The following FAF1 variants were observed in gnomAD, a reference collection of about 807,000 sequenced individuals.
FAF1 encodes Fas associated factor 1, also known as FAS-associated factor 1.
In FAF1, 25 loss-of-function variants were observed where a neutral mutation model predicts 92.5. That is an observed-to-expected ratio of 0.27 (90% CI 0.20 to 0.38). The LOEUF (loss-of-function observed/expected upper bound fraction) is 0.38. Among genes scored for constraint, FAF1 ranks in the 10% least tolerant of loss-of-function variants. The pLI is 1.00. For synonymous variants in FAF1, 234 were observed against 273.2 expected, an observed-to-expected ratio of 0.86 and a Z score of 1.42; for missense variants, 636 against 793.3, an observed-to-expected ratio of 0.80 and a Z score of 2.38.
chr1:50,757,078 T>C (rs1660105458), intron 4 of FAF1, among the ~76,000 whole-genome samples: 1 of 152,278 alleles, frequency 6.6e-6, no homozygotes, highest in Non-Finnish European at 1.5e-5. Flanking sequence ...TTCCAAATTC[T>C]TGTGATTTCT....
chr1:50,519,314 G>C (rs905980329), intron 15 of FAF1, among the ~76,000 whole-genome samples: 1 of 148,192 alleles, frequency 6.7e-6, no homozygotes, highest in African/African-American at 2.5e-5. Flanking sequence ...GGGTGACAGA[G>C]CGAGACTGTC....
chr1:50,499,717 T>C (rs953834600), intron 15 of FAF1, among the ~76,000 whole-genome samples: 1 of 152,288 alleles, frequency 6.6e-6, no homozygotes, highest in Middle Eastern at 3.4e-3. Flanking sequence ...AAGCAACCCC[T>C]TCCCCTTCCC....
rs189460802 is a variant in FAF1, at chr1:50,467,295, C to T, written c.1869+8169G>A. 3.9e-5 allele frequency among the ~76,000 whole-genome samples: 6 copies of T among 152,220 alleles called. No individual in the cohort carries two copies. In the East Asian group the frequency reaches 1.2e-3, roughly 29 times the overall value. ...ATGAAATCTTTCCAAATATGTAACA[C>T]TGAGCTTCATTTACACATTGAAAGT... On this transcript the variant is annotated intron_variant, in intron 18 of 18. Coordinates refer to ENST00000396153, the MANE Select transcript of FAF1 (RefSeq NM_007051.3).
At chr1:50,454,060 T>C (rs1646324949) in intron 18 of FAF1, among the ~76,000 whole-genome samples, 1 of 152,242 alleles carries the variant, frequency 6.6e-6, no homozygotes, top group Admixed American at 6.5e-5. Flanking sequence ...GCTATGAGCA[T>C]CATCACAGCT....
At chr1:50,626,612 A>C (rs1191746340) in intron 8 of FAF1, among the ~76,000 whole-genome samples, 1 of 152,214 alleles carries the variant, frequency 6.6e-6, no homozygotes, top group Non-Finnish European at 1.5e-5. Flanking sequence ...GAAGTAAGCA[A>C]GAATCAGACT....
intron 8 of FAF1, among the ~76,000 whole-genome samples, chr1:50,605,587 C>T (rs896954828): frequency 6.6e-6 from 1 of 151,608 alleles, no homozygotes; most frequent in African/African-American, 2.4e-5. Flanking sequence ...TTCACAGAGG[C>T]CAATAATCCA....
intron 18 of FAF1, among the ~76,000 whole-genome samples, chr1:50,455,216 A>T (rs1449366461): frequency 6.6e-6 from 1 of 152,226 alleles, no homozygotes; most frequent in East Asian, 1.9e-4. Context: ...GAGGGGACAG[A>T]ATTTTCCCTA....
chr1:50,890,516 T>G (rs1042904575), intron 1 of FAF1, among the ~76,000 whole-genome samples: 8 of 152,252 alleles, frequency 5.3e-5, no homozygotes, highest in African/African-American at 1.7e-4. Context: ...TTCTTTTCCA[T>G]GTTTAATGCT....
intron 7 of FAF1, among the ~76,000 whole-genome samples, chr1:50,660,885 G>C (rs1655342271): frequency 6.6e-6 from 1 of 152,032 alleles, no homozygotes; most frequent in African/African-American, 2.4e-5. Flanking sequence ...CCTTAGAAGA[G>C]AATAAAACAT....
At chr1:50,455,178 CAG>C (rs1646336677) in intron 18 of FAF1, among the ~76,000 whole-genome samples, 1 of 152,204 alleles carries the variant, frequency 6.6e-6, no homozygotes, top group Non-Finnish European at 1.5e-5. Context: ...CAGGGGCTGA[CAG>C]TAAGTCTGCA....
chr1:50,655,105 G>A (rs1431479713), intron 8 of FAF1, among the ~76,000 whole-genome samples: 1 of 151,718 alleles, frequency 6.6e-6, no homozygotes, highest in African/African-American at 2.4e-5. Context: ...TGAGTAGTGG[G>A]ATTAGAGGCG....
intron 5 of FAF1, among the ~76,000 whole-genome samples, chr1:50,739,332 A>G (rs952765413): frequency 6.6e-6 from 1 of 152,148 alleles, no homozygotes; most frequent in South Asian, 2.1e-4. Context: ...GTACATGTGT[A>G]CACGTACATG....
intron 17 of FAF1, among the ~76,000 whole-genome samples, chr1:50,484,778 G>T (rs539754861): frequency 6.6e-6 from 1 of 152,184 alleles, no homozygotes; most frequent in African/African-American, 2.4e-5. Context: ...AGAAGCTCTG[G>T]TTCTGCTTTT....
At chr1:50,680,493 G>A (rs1257503543) in intron 7 of FAF1, among the ~76,000 whole-genome samples, 1 of 152,094 alleles carries the variant, frequency 6.6e-6, no homozygotes, top group African/African-American at 2.4e-5. Context: ...GACCAGCCTG[G>A]CCAAACTGGG....
chr1:50,824,261 T>G (rs1644072297), intron 2 of FAF1, among the ~76,000 whole-genome samples: 1 of 152,156 alleles, frequency 6.6e-6, no homozygotes, highest in East Asian at 1.9e-4. Flanking sequence ...TCCATTCCAG[T>G]AGGCACCAAG....
At chr1:50,469,753 A>C (rs1465912366) in intron 18 of FAF1, among the ~76,000 whole-genome samples, 1 of 152,184 alleles carries the variant, frequency 6.6e-6, no homozygotes, top group African/African-American at 2.4e-5. Context: ...AGTGGTATAG[A>C]GGGAAAGAGA....
intron 13 of FAF1, among the ~76,000 whole-genome samples, chr1:50,565,382 C>G (rs1412523729): frequency 1.3e-5 from 2 of 152,030 alleles, no homozygotes; most frequent in Non-Finnish European, 2.9e-5. Context: ...TCCTATCATA[C>G]TTAATAGTCA....
intron 8 of FAF1, among the ~76,000 whole-genome samples, chr1:50,634,094 T>C (rs934886419): frequency 2.6e-5 from 4 of 152,192 alleles, no homozygotes; most frequent in African/African-American, 7.2e-5. Flanking sequence ...GAAGCAACAA[T>C]TGATTTGACT....
At chr1:50,902,015 C>T (rs1481317303) in intron 1 of FAF1, among the ~76,000 whole-genome samples, 1 of 152,164 alleles carries the variant, frequency 6.6e-6, no homozygotes. Context: ...TACAAAGTAC[C>T]TAATTTTCAT....
Sources: gnomAD v4.1 joint callset for allele counts (sites outside exome capture counted in the v4.1 genomes callset) on GRCh38, gnomAD v4.1.1 for gene constraint, MANE v1.5 for transcripts, NCBI Gene and HGNC (gene_info 2026-07-23, HGNC 2026-07-21) for gene names.